The following EXTL3 variants were observed in gnomAD, a reference collection of about 807,000 sequenced individuals.
EXTL3 encodes the protein exostosin-like 3.
In EXTL3, 27 loss-of-function variants were observed where a neutral mutation model predicts 69.3. The observed-to-expected ratio is 0.39, with a 90% CI of 0.29 to 0.54. The LOEUF (loss-of-function observed/expected upper bound fraction) is 0.54. Ranked by LOEUF, EXTL3 falls within the 20% of genes least tolerant of loss-of-function variation. The pLI, the probability that EXTL3 is intolerant of heterozygous loss-of-function variation, is 0.69. For synonymous variants in EXTL3, 511 were observed against 499.4 expected (o/e 1.02, Z -0.31); for missense variants, 1,003 against 1,231.8 (o/e 0.81, Z 2.78).
chr8:28,614,511 C>T (rs138365512), intron 2 of EXTL3, among the ~76,000 whole-genome samples: 3,530 of 151,956 alleles, frequency 0.023, 144 homozygotes, highest in Admixed American at 0.11. Flanking sequence ...TGGGCTCAAG[C>T]GATCCACCCG....
chr8:28,746,654 T>C (rs1244675924), intron 6 of EXTL3, among the ~76,000 whole-genome samples: 2 of 151,782 alleles, frequency 1.3e-5, no homozygotes, highest in African/African-American at 4.8e-5. Flanking sequence ...TTTACAAATA[T>C]ATTGGGGATG....
intron 1 of EXTL3, among the ~76,000 whole-genome samples, chr8:28,652,057 G>GTA (rs1806932294): frequency 6.6e-6 from 1 of 152,004 alleles, no homozygotes; most frequent in Admixed American, 6.6e-5. Flanking sequence ...GTGTGTGTGT[G>GTA]TGTATGTATA....
chr8:28,723,747 TTCTTGTACCTCAGCC>T lies in EXTL3; in HGVS notation c.2148+5545_2148+5559del, dbSNP rs550982869. On this transcript the variant is annotated intron_variant, in intron 3 of 6. Coordinates refer to ENST00000220562, the MANE Select transcript of EXTL3 (RefSeq NM_001440.4). ...GTCTCCACCTCCCAGGTTTAAGTGATTCTTGTACCTCAGCCTCTTTTGTAGCTGGGACTACAGGCG... is the reference window on the plus strand; with the variant it reads ...GTCTCCACCTCCCAGGTTTAAGTGATTCTTTTGTAGCTGGGACTACAGGCG... Among the ~76,000 whole-genome samples the T allele has an allele frequency of 1.1e-4, 16 of 151,674 alleles. No homozygotes were observed. The East Asian group carries it at 2.9e-3, about 28-fold the overall frequency.
chr8:28,638,163 A>C (rs1293470278), intron 1 of EXTL3, among the ~76,000 whole-genome samples: 6 of 151,866 alleles, frequency 4.0e-5, no homozygotes, highest in Non-Finnish European at 1.5e-5. Context: ...CCCTGTACCC[A>C]TCTTCTTGGA....
chr8:28,717,621 C>T lies in EXTL3; in HGVS notation c.1562C>T (p.Ser521Phe). ...CGCTTTCTCTGGGAGACTTACTTCT[C>T]CACTGCTGACAGTATTTTTAATACC... ...QGRFLWETYFSTADSIFNTVL... is the reference protein window; with the variant it reads ...QGRFLWETYFFTADSIFNTVL... The change falls in exon 3 of 7, where the codon TCC (serine) becomes TTC (phenylalanine). Residue 521 changes from serine to phenylalanine, a missense_variant. Transcript: ENST00000220562. The surrounding 1 kb of genome is among the most constrained non-coding windows in gnomAD (Gnocchi z 8.3). 2 of 1,614,242 alleles carry T rather than the reference C, an allele frequency of 1.2e-6. No homozygotes were observed. The highest frequency in any genetic ancestry group is 1.7e-6 in the Non-Finnish European group (2 of 1,180,050).
At chr8:28,739,173 C>T (rs971020836) in intron 5 of EXTL3, among the ~76,000 whole-genome samples, 5 of 152,128 alleles carry the variant, frequency 3.3e-5, no homozygotes, top group East Asian at 1.9e-4. Flanking sequence ...GCATATCTCC[C>T]GTTTGTCCCT....
intron 1 of EXTL3, among the ~76,000 whole-genome samples, chr8:28,663,390 TC>T (rs1352677353): frequency 2.0e-5 from 3 of 152,202 alleles, no homozygotes; most frequent in African/African-American, 7.2e-5. Flanking sequence ...TCAATTCCTT[TC>T]AAACTGTTGG....
At chr8:28,633,340 A>C (rs1053857508) in intron 1 of EXTL3, among the ~76,000 whole-genome samples, 2 of 152,102 alleles carry the variant, frequency 1.3e-5, no homozygotes, top group Non-Finnish European at 2.9e-5. Flanking sequence ...CCTGTCTGCA[A>C]AAATAATAAT....
intron 6 of EXTL3, among the ~76,000 whole-genome samples, chr8:28,746,964 G>A (rs555455187): frequency 4.6e-5 from 7 of 151,930 alleles, no homozygotes; most frequent in East Asian, 1.9e-4. Flanking sequence ...GTGAGCCACC[G>A]CACCCAGCTT....
At chr8:28,649,428 GC>G (rs902288120) in intron 1 of EXTL3, among the ~76,000 whole-genome samples, 2 of 152,170 alleles carry the variant, frequency 1.3e-5, no homozygotes, top group Non-Finnish European at 2.9e-5. Flanking sequence ...CCAATCTGAT[GC>G]CTGTGAAATT....
chr8:28,624,345 C>G (rs952950163), intron 1 of EXTL3, among the ~76,000 whole-genome samples: 1 of 152,192 alleles, frequency 6.6e-6, no homozygotes, highest in Non-Finnish European at 1.5e-5. Flanking sequence ...GGGAGGATTG[C>G]TTGAGCTCAA....
upstream of EXTL3, chr8:28,696,992 T>C (rs1800695381): frequency 6.6e-6 from 1 of 152,252 alleles, no homozygotes; most frequent in African/African-American, 2.4e-5. Flanking sequence ...GTCACTGGCT[T>C]ATACTAGGTA....
intron 5 of EXTL3, chr8:28,741,916 T>G (rs1033728343): frequency 2.0e-5 from 3 of 152,258 alleles, no homozygotes; most frequent in Non-Finnish European, 2.9e-5. Flanking sequence ...TAATGCAATA[T>G]GTTCATCAGT....
chr8:28,630,752 T>C (rs1162019757), intron 1 of EXTL3, among the ~76,000 whole-genome samples: 1 of 152,164 alleles, frequency 6.6e-6, no homozygotes, highest in African/African-American at 2.4e-5. Context: ...TGCCTGCCAT[T>C]GAGAGGCTTA....
intron 1 of EXTL3, among the ~76,000 whole-genome samples, chr8:28,692,323 G>C (rs548888493): frequency 6.6e-6 from 1 of 152,268 alleles, no homozygotes; most frequent in South Asian, 2.1e-4. Context: ...AAGGCTGAAG[G>C]CTTGGGTTGG....
intron 4 of EXTL3, among the ~76,000 whole-genome samples, chr8:28,736,483 A>G (rs1433760409): frequency 6.6e-6 from 1 of 152,196 alleles, no homozygotes; most frequent in Non-Finnish European, 1.5e-5. Context: ...ATTTACCTAT[A>G]AATTTGGAGA....
intron 1 of EXTL3, among the ~76,000 whole-genome samples, chr8:28,634,611 T>G (rs2130569346): frequency 6.6e-6 from 1 of 151,380 alleles, no homozygotes; most frequent in East Asian, 1.9e-4. Context: ...TTTTTTTTTT[T>G]TTGAGATGGA....
chr8:28,618,722 C>G (rs1045543892), upstream of EXTL3, among the ~76,000 whole-genome samples: 1 of 152,004 alleles, frequency 6.6e-6, no homozygotes, highest in Non-Finnish European at 1.5e-5. Flanking sequence ...AGGCCAGGCA[C>G]GAGAAAATAG....
At chr8:28,683,041 A>T (rs895972130) in intron 1 of EXTL3, among the ~76,000 whole-genome samples, 2 of 152,064 alleles carry the variant, frequency 1.3e-5, no homozygotes, top group Non-Finnish European at 2.9e-5. Context: ...GTATGTTCTC[A>T]GTACTTTTGT....
Sources: allele counts gnomAD v4.1 joint callset (sites outside exome capture counted in the v4.1 genomes callset), GRCh38; gene constraint gnomAD v4.1.1; non-coding constraint Gnocchi (gnomAD v3.1); transcripts MANE v1.5; gene names NCBI Gene and HGNC (gene_info 2026-07-23, HGNC 2026-07-21).